HS2ST1: variants seen among roughly 807,000 people sequenced by gnomAD.
The protein encoded by HS2ST1 is heparan sulfate 2-O-sulfotransferase 1.
A neutral mutation model predicts 42.9 loss-of-function variants in HS2ST1; 18 were observed. That is an observed-to-expected ratio of 0.42 (90% CI 0.29 to 0.62). HS2ST1 has a LOEUF of 0.62. Among genes scored for constraint, HS2ST1 ranks in the 20% least tolerant of loss-of-function variants. HS2ST1 has a pLI of 0.21. For missense variants in HS2ST1, 334 were observed against 433.8 expected (o/e 0.77, Z 2.04); for synonymous variants, 146 against 152.9 (o/e 0.95, Z 0.33).
intron 5 of HS2ST1, among the ~76,000 whole-genome samples, chr1:87,100,169 G>A (rs1399873506): frequency 6.6e-6 from 1 of 152,196 alleles, no homozygotes; most frequent in African/African-American, 2.4e-5. Flanking sequence ...GTCTTTGTGT[G>A]GGGTGAGGGC....
chr1:87,006,931 A>G (rs1464300846), intron 1 of HS2ST1, among the ~76,000 whole-genome samples: 4 of 152,078 alleles, frequency 2.6e-5, no homozygotes, highest in Non-Finnish European at 5.9e-5. Context: ...TACGGCTGCT[A>G]GTACTTTTTT....
At chr1:87,093,483 T>C (rs1012632348) in intron 4 of HS2ST1, among the ~76,000 whole-genome samples, 3 of 152,098 alleles carry the variant, frequency 2.0e-5, no homozygotes, top group Non-Finnish European at 2.9e-5. Context: ...GTAAAGTCTT[T>C]TCTGATGCCT....
intron 1 of HS2ST1, among the ~76,000 whole-genome samples, chr1:86,987,280 C>T (rs1185466890): frequency 3.3e-5 from 5 of 151,702 alleles, no homozygotes; most frequent in African/African-American, 1.2e-4. Flanking sequence ...TTTACCATGT[C>T]ATCCAGGCTG....
chr1:86,990,793 C>T (rs1648918667), intron 1 of HS2ST1, among the ~76,000 whole-genome samples: 1 of 103,422 alleles, frequency 9.7e-6, no homozygotes, highest in Non-Finnish European at 2.0e-5. Context: ...CAGGCATATG[C>T]CACCATGCCT....
intron 1 of HS2ST1, among the ~76,000 whole-genome samples, chr1:86,919,014 T>G (rs925416838): frequency 2.0e-5 from 3 of 151,910 alleles, no homozygotes; most frequent in Non-Finnish European, 4.4e-5. Flanking sequence ...AGCCTTGCTG[T>G]CACCCAGGCT....
chr1:87,101,147 G>GTTTTTTTTT (rs1557546414), intron 5 of HS2ST1, among the ~76,000 whole-genome samples: 3 of 75,916 alleles, frequency 4.0e-5, no homozygotes, highest in Admixed American at 1.7e-4. Context: ...GTGTGTGTGT[G>GTTTTTTTTT]TGTTTTTTGT....
intron 1 of HS2ST1, among the ~76,000 whole-genome samples, chr1:86,936,587 T>A (rs1360551551): frequency 6.6e-6 from 1 of 152,236 alleles, no homozygotes; most frequent in East Asian, 1.9e-4. Context: ...TATTCCTGTT[T>A]ACAGGTGAGT....
intron 1 of HS2ST1, among the ~76,000 whole-genome samples, chr1:86,928,485 GA>G (rs1557482656): frequency 3.9e-5 from 6 of 151,902 alleles, no homozygotes. Flanking sequence ...TGGGTGTTAA[GA>G]AAGTGCCTCC....
chr1:86,926,756 A>G (rs1396728761), intron 1 of HS2ST1, among the ~76,000 whole-genome samples: 5 of 152,212 alleles, frequency 3.3e-5, no homozygotes, highest in Non-Finnish European at 7.3e-5. Context: ...AATTCAGGGA[A>G]AGAATCATGG....
intron 1 of HS2ST1, among the ~76,000 whole-genome samples, chr1:87,068,864 A>AT (rs943949233): frequency 1.1e-4 from 17 of 151,856 alleles, no homozygotes; most frequent in Non-Finnish European, 2.1e-4. Context: ...TTTATTTAAA[A>AT]TTTTTTTTTA....
chr1:87,093,584 CAG>C (rs1557543789), intron 4 of HS2ST1, among the ~76,000 whole-genome samples: 1 of 151,992 alleles, frequency 6.6e-6, no homozygotes, highest in Non-Finnish European at 1.5e-5. Flanking sequence ...TTTGGATTAC[CAG>C]TTTACCTACT....
At chr1:87,090,307 G>A (rs149312486) in intron 3 of HS2ST1, among the ~76,000 whole-genome samples, 4 of 151,906 alleles carry the variant, frequency 2.6e-5, no homozygotes, top group African/African-American at 7.3e-5. Context: ...TCCCTGCCCC[G>A]GTGGAACTTC....
intron 1 of HS2ST1, among the ~76,000 whole-genome samples, chr1:86,941,501 G>A (rs767476645): frequency 3.3e-5 from 5 of 152,020 alleles, no homozygotes; most frequent in Non-Finnish European, 5.9e-5. Flanking sequence ...GCCGGGCACC[G>A]TGGCTCACAC....
chr1:86,924,776 T>C (rs1041532161), intron 1 of HS2ST1, among the ~76,000 whole-genome samples: 1 of 152,102 alleles, frequency 6.6e-6, no homozygotes, highest in African/African-American at 2.4e-5. Flanking sequence ...AACCATTTTT[T>C]CCTTCTAAAC....
At chr1:87,074,824 A>C (rs1295186447) in intron 2 of HS2ST1, among the ~76,000 whole-genome samples, 1 of 152,216 alleles carries the variant, frequency 6.6e-6, no homozygotes, top group Non-Finnish European at 1.5e-5. Flanking sequence ...GACATACTTC[A>C]AAATTATCAG....
intron 1 of HS2ST1, among the ~76,000 whole-genome samples, chr1:87,066,672 C>T (rs950587756): frequency 6.6e-6 from 1 of 151,878 alleles, no homozygotes; most frequent in Non-Finnish European, 1.5e-5. Context: ...TTTGCTGCAC[C>T]CATCAACCCA....
At chr1:86,961,872 C>CT (rs1483902578) in intron 1 of HS2ST1, among the ~76,000 whole-genome samples, 1 of 151,958 alleles carries the variant, frequency 6.6e-6, no homozygotes, top group African/African-American at 2.4e-5. Context: ...AATTTGTGAC[C>CT]TTTTTTGTGT....
rs546089901 is a variant in HS2ST1 at position 87,027,131 on chromosome 1, T to G, written c.125-45803T>G. On this transcript the variant is annotated intron_variant, in intron 1 of 6. Transcript: ENST00000370550. ...TTGAAATACCATTAGAATAGCAGTG[T>G]CACTTTTTAAGCACTGTGCAGCTTC... Among the ~76,000 whole-genome samples the G allele has an allele frequency of 2.0e-3, 311 of 152,316 alleles. 1 individual carries two copies. Among genetic ancestry groups the G allele is most frequent in the Non-Finnish European group, 2.9e-3 (200 of 68,024 alleles).
At chr1:86,942,502 G>A (rs1321956377) in intron 1 of HS2ST1, among the ~76,000 whole-genome samples, 1 of 151,956 alleles carries the variant, frequency 6.6e-6, no homozygotes, top group Non-Finnish European at 1.5e-5. Context: ...TTTTTGAGAG[G>A]GTGGAATAGA....
Sources: gnomAD v4.1 joint callset for allele counts (sites outside exome capture counted in the v4.1 genomes callset) on GRCh38, gnomAD v4.1.1 for gene constraint, MANE v1.5 for transcripts, NCBI Gene and HGNC (gene_info 2026-07-23, HGNC 2026-07-21) for gene names.